The following OSBPL1A variants were observed in gnomAD, a reference collection of about 807,000 sequenced individuals.
The protein encoded by OSBPL1A is oxysterol binding protein like 1A, also known as oxysterol-binding protein-related protein 1.
Under a neutral mutation model 137.1 loss-of-function variants are expected in OSBPL1A, and 80 were observed. The observed-to-expected ratio is 0.58, with a 90% CI of 0.49 to 0.70. OSBPL1A has a LOEUF of 0.70. Among genes scored for constraint, OSBPL1A ranks in the 30% least tolerant of loss-of-function variants. OSBPL1A has a pLI of 0.00. For synonymous variants in OSBPL1A, 365 were observed against 389.7 expected (o/e 0.94, Z 0.75); for missense variants, 970 against 1,129.4 (o/e 0.86, Z 2.02).
chr18:24,267,032 T>C (rs894719477), intron 15 of OSBPL1A, among the ~76,000 whole-genome samples: 2 of 151,682 alleles, frequency 1.3e-5, no homozygotes, highest in Admixed American at 6.6e-5. Flanking sequence ...TAATGAGACT[T>C]ATAGGGAGGG....
intron 16 of OSBPL1A, among the ~76,000 whole-genome samples, chr18:24,227,422 C>A (rs1314257343): frequency 6.6e-6 from 1 of 151,898 alleles, no homozygotes; most frequent in Non-Finnish European, 1.5e-5. Flanking sequence ...ACAAAAAAAA[C>A]CCAGGATAAT....
At chr18:24,291,993 G>A (rs550655377) in intron 14 of OSBPL1A, among the ~76,000 whole-genome samples, 88 of 152,278 alleles carry the variant, frequency 5.8e-4, no homozygotes, top group African/African-American at 2.1e-3. Context: ...GCTGAGGCAG[G>A]AGAATCACTT....
chr18:24,372,772 T>G (rs1369680091), intron 2 of OSBPL1A, among the ~76,000 whole-genome samples: 1 of 152,018 alleles, frequency 6.6e-6, no homozygotes, highest in African/African-American at 2.4e-5. Context: ...AATCAAAATT[T>G]CCAAGATCCA....
At chr18:24,204,170 A>C (rs1039479080) in intron 17 of OSBPL1A, among the ~76,000 whole-genome samples, 1 of 152,008 alleles carries the variant, frequency 6.6e-6, no homozygotes, top group African/African-American at 2.4e-5. Context: ...GTCTATGAGC[A>C]CTCTCTTCCC....
intron 21 of OSBPL1A, among the ~76,000 whole-genome samples, chr18:24,176,618 C>A (rs2086453641): frequency 6.6e-6 from 1 of 152,244 alleles, no homozygotes; most frequent in Middle Eastern, 3.4e-3. Flanking sequence ...CTGGAGAATA[C>A]TGATAAAAAT....
intron 15 of OSBPL1A, among the ~76,000 whole-genome samples, chr18:24,277,718 C>A (rs141831880): frequency 1.3e-5 from 2 of 152,162 alleles, no homozygotes; most frequent in African/African-American, 4.8e-5. Context: ...ACTCTGACCT[C>A]GATTACGCTG....
chr18:24,184,721 C>A (rs2086697570), intron 18 of OSBPL1A, among the ~76,000 whole-genome samples: 1 of 152,182 alleles, frequency 6.6e-6, no homozygotes, highest in South Asian at 2.1e-4. Flanking sequence ...TACATGCCCC[C>A]ATCACCTCAC....
Position 24,196,106 on chromosome 18 carries a change from G to T in OSBPL1A, c.1677+19C>A. The T allele has an allele frequency of 1.3e-6, 2 of 1,582,716 alleles. No individual in the cohort carries two copies. The highest frequency in any genetic ancestry group is 2.2e-5 in the South Asian group (2 of 89,996). On this transcript the variant is annotated intron_variant, in intron 18 of 27. Transcript: ENST00000319481. ...TAAACATATCTGCTTAATATCATAT[G>T]ACAAAACCATTAATTTACCATTCCA...
chr18:24,290,883 C>T (rs574915304), intron 14 of OSBPL1A, among the ~76,000 whole-genome samples: 10 of 152,192 alleles, frequency 6.6e-5, no homozygotes, highest in East Asian at 3.9e-4. Flanking sequence ...GGAAGAAGGA[C>T]ACTTTCTTGC....
At chr18:24,264,328 G>A (rs753993482) in intron 15 of OSBPL1A, among the ~76,000 whole-genome samples, 26 of 152,036 alleles carry the variant, frequency 1.7e-4, no homozygotes, top group Non-Finnish European at 2.5e-4. Flanking sequence ...TCTCATCCAG[G>A]ATTATATAAA....
chr18:24,329,752 A>G (rs1435007608), intron 7 of OSBPL1A, among the ~76,000 whole-genome samples: 1 of 152,140 alleles, frequency 6.6e-6, no homozygotes, highest in African/African-American at 2.4e-5. Flanking sequence ...TATAGTTAAT[A>G]TTCACCTTTG....
At chr18:24,263,389 T>C (rs950486693) in intron 15 of OSBPL1A, among the ~76,000 whole-genome samples, 3 of 152,178 alleles carry the variant, frequency 2.0e-5, no homozygotes, top group African/African-American at 4.8e-5. Context: ...TAAAAATGGT[T>C]ACGATGGTAA....
intron 13 of OSBPL1A, 131 bp from the exon 14 acceptor site, chr18:24,303,849 AAAG>A: frequency 1.6e-6 from 1 of 641,796 alleles, no homozygotes; most frequent in East Asian, 2.8e-5. Context: ...GCCTTAAAGA[AAAG>A]AAAAAGGTGA....
At chr18:24,307,848 G>C (rs1220505767) in intron 13 of OSBPL1A, among the ~76,000 whole-genome samples, 3 of 152,072 alleles carry the variant, frequency 2.0e-5, no homozygotes, top group African/African-American at 7.2e-5. Context: ...GGAGTGCAGT[G>C]GTGCGATCTC....
intron 14 of OSBPL1A, among the ~76,000 whole-genome samples, chr18:24,290,954 T>C (rs920737599): frequency 1.3e-5 from 2 of 152,128 alleles, no homozygotes; most frequent in Admixed American, 6.5e-5. Context: ...TGCCTAGATA[T>C]GAAATCCAAA....
chr18:24,166,427 C>A, intron 26 of OSBPL1A, 152 bp downstream of exon 26: 1 of 977,726 alleles, frequency 1.0e-6, no homozygotes, highest in Non-Finnish European at 1.4e-6. Context: ...ATAAAAGTTA[C>A]TGAATTTAAA....
intron 4 of OSBPL1A, among the ~76,000 whole-genome samples, chr18:24,363,643 T>C (rs770165729): frequency 6.7e-6 from 1 of 148,730 alleles, no homozygotes; most frequent in Non-Finnish European, 1.5e-5. Flanking sequence ...TTCCTTCCTT[T>C]CTATCTTTCT....
At chr18:24,312,319 T>C (rs1340042879) in intron 12 of OSBPL1A, among the ~76,000 whole-genome samples, 1 of 152,206 alleles carries the variant, frequency 6.6e-6, no homozygotes, top group African/African-American at 2.4e-5. Flanking sequence ...TTAAAAAATA[T>C]CATCTATAAG....
chr18:24,393,700 A>G (rs597105), intron 1 of OSBPL1A, among the ~76,000 whole-genome samples: 143,804 of 152,144 alleles, frequency 0.95, 68,210 homozygotes, highest in African/African-American at 0.98. Context: ...TGATCCGCCC[A>G]TCTCGGCCTC....
Sources: gnomAD v4.1 joint callset for allele counts (sites outside exome capture counted in the v4.1 genomes callset) on GRCh38, gnomAD v4.1.1 for gene constraint, MANE v1.5 for transcripts, NCBI Gene and HGNC (gene_info 2026-07-23, HGNC 2026-07-21) for gene names.